PARM1: variants seen among roughly 807,000 people sequenced by gnomAD.
The protein encoded by PARM1 is WSC4, cell wall integrity and stress response component 4 homolog.
In PARM1, 14 loss-of-function variants were observed where a neutral mutation model predicts 24.6. The ratio of observed to expected loss-of-function variants is 0.57; its 90% CI spans 0.38 to 0.89. The LOEUF is 0.89. Among genes scored for constraint, PARM1 ranks in the 40% least tolerant of loss-of-function variants. The probability of loss-of-function intolerance (pLI) is 0.00; values close to 1 mark genes in which losing one functional copy is unlikely to be tolerated. For missense variants in PARM1, 362 were observed against 380.4 expected, an observed-to-expected ratio of 0.95 and a Z score of 0.40; for synonymous variants, 179 against 156.6, an observed-to-expected ratio of 1.14 and a Z score of -1.07.
chr4:75,038,799 T>A (rs576294086), intron 3 of PARM1, among the ~76,000 whole-genome samples: 1 of 152,318 alleles, frequency 6.6e-6, no homozygotes, highest in South Asian at 2.1e-4. Context: ...TTTGATTTGT[T>A]TAAGTTGGCT....
chr4:75,023,041 G>C (rs139962025), intron 2 of PARM1, among the ~76,000 whole-genome samples: 1 of 152,210 alleles, frequency 6.6e-6, no homozygotes, highest in East Asian at 1.9e-4. Flanking sequence ...GCCTTCAAGG[G>C]GTAGACCAGA....
At position 74,959,145 on chromosome 4, in the gene PARM1, T is replaced by C. The variant is rs938069478; in HGVS notation, c.43+25775T>C. Among the ~76,000 whole-genome samples, 6 of 152,346 alleles carry C rather than the reference T, an allele frequency of 3.9e-5. 1 individual carries two copies. The highest frequency in any genetic ancestry group is 9.6e-5 in the African/African-American group (4 of 41,570). On this transcript the variant is annotated intron_variant, in intron 1 of 3. Coordinates refer to ENST00000307428, the MANE Select transcript of PARM1 (RefSeq NM_015393.4). ...AAATTTTCATTTTATTTAATTTAAA[T>C]AGCCATGCATCTTAGTGGCTATCGT...
In PARM1 at chr4:74,944,366, A is replaced by G. The variant is rs576922392; in HGVS notation, c.43+10996A>G. 2.6e-5 allele frequency among the ~76,000 whole-genome samples: 4 copies of G among 152,342 alleles called. No homozygotes were observed. In the East Asian group the frequency reaches 7.7e-4, roughly 29 times the overall value. On this transcript the variant is annotated intron_variant, in intron 1 of 3. Coordinates refer to ENST00000307428, the MANE Select transcript of PARM1 (RefSeq NM_015393.4). ...TTAAAATATTTGCCTTGCTTGTTCC[A>G]TGATGTCCATTTGTCCATTCTTGAG...
chr4:75,032,030 C>T (rs1257921362), intron 2 of PARM1, among the ~76,000 whole-genome samples: 4 of 152,180 alleles, frequency 2.6e-5, no homozygotes, highest in Non-Finnish European at 4.4e-5. Flanking sequence ...CTCGGACTTT[C>T]TCTGCTTGAC....
intron 1 of PARM1, among the ~76,000 whole-genome samples, chr4:74,945,486 G>A (rs1211496873): frequency 6.6e-6 from 1 of 152,170 alleles, no homozygotes; most frequent in African/African-American, 2.4e-5. Flanking sequence ...CCTCAACAAT[G>A]TTTACCGGGC....
intron 1 of PARM1, among the ~76,000 whole-genome samples, chr4:75,007,871 G>A (rs981969183): frequency 1.3e-5 from 2 of 152,200 alleles, no homozygotes; most frequent in African/African-American, 4.8e-5. Flanking sequence ...GGTCACGTGA[G>A]GACACAGATA....
chr4:74,960,960 G>A (rs1446657665), intron 1 of PARM1, among the ~76,000 whole-genome samples: 1 of 150,982 alleles, frequency 6.6e-6, no homozygotes, highest in Non-Finnish European at 1.5e-5. Flanking sequence ...AGCCAAGATT[G>A]CGCCACTGCA....
intron 1 of PARM1, chr4:74,966,888 A>G (rs1721915843): frequency 6.6e-6 from 1 of 152,090 alleles, no homozygotes; most frequent in African/African-American, 2.4e-5. Context: ...TTCCTCCCAA[A>G]TTGATTGGTT....
rs564654573 is a variant in PARM1 at position 74,996,730 on chromosome 4, C to T, written c.44-15695C>T. On this transcript the variant is annotated intron_variant, in intron 1 of 3. Coordinates refer to ENST00000307428, the MANE Select transcript of PARM1 (RefSeq NM_015393.4). ...TTTATGTAGATTGATTGTTTTATTA[C>T]AGTGAAACAGAAATCAAAATTATTA... 2.6e-5 allele frequency among the ~76,000 whole-genome samples: 4 copies of T among 152,262 alleles called. No individual in the cohort carries two copies. In the East Asian group the frequency reaches 5.8e-4, roughly 22 times the overall value.
At chr4:75,020,746 G>A (rs1723074909) in intron 2 of PARM1, among the ~76,000 whole-genome samples, 1 of 152,094 alleles carries the variant, frequency 6.6e-6, no homozygotes, top group South Asian at 2.1e-4. Flanking sequence ...TCAGTTCCAT[G>A]AGCGCCTGTG....
At chr4:74,939,584 G>A (rs983459409) in intron 1 of PARM1, among the ~76,000 whole-genome samples, 2 of 152,004 alleles carry the variant, frequency 1.3e-5, no homozygotes, top group East Asian at 3.9e-4. Flanking sequence ...TTTGTGCCGG[G>A]ATCTTGAGAA....
chr4:74,942,596 T>G (rs1054065925), intron 1 of PARM1, among the ~76,000 whole-genome samples: 2 of 152,252 alleles, frequency 1.3e-5, no homozygotes, highest in Admixed American at 1.3e-4. Context: ...GAGTCCTGTT[T>G]TTCTCTTAAC....
chr4:74,944,979 A>T (rs969090695), intron 1 of PARM1, among the ~76,000 whole-genome samples: 2 of 152,242 alleles, frequency 1.3e-5, no homozygotes, highest in Non-Finnish European at 2.9e-5. Context: ...AGTTAGAAAC[A>T]ATGTAAATGT....
chr4:74,975,086 C>T (rs546343773), intron 1 of PARM1, among the ~76,000 whole-genome samples: 22 of 152,350 alleles, frequency 1.4e-4, no homozygotes, highest in African/African-American at 4.8e-4. Flanking sequence ...GACATTTGCA[C>T]ATTCCCCCTT....
chr4:74,963,034 G>A (rs558376870), intron 1 of PARM1, among the ~76,000 whole-genome samples: 17 of 152,236 alleles, frequency 1.1e-4, no homozygotes, highest in African/African-American at 2.4e-4. Context: ...TTTTATAAGC[G>A]TCTGGCATTT....
intron 1 of PARM1, among the ~76,000 whole-genome samples, chr4:75,004,542 A>G (rs1308331426): frequency 1.3e-5 from 2 of 152,208 alleles, no homozygotes; most frequent in Non-Finnish European, 1.5e-5. Flanking sequence ...AGGGAGGCAG[A>G]TGGCCATGGG....
intron 1 of PARM1, among the ~76,000 whole-genome samples, chr4:74,993,069 T>A (rs1038335682): frequency 6.6e-6 from 1 of 152,214 alleles, no homozygotes; most frequent in African/African-American, 2.4e-5. Context: ...GAGACTTATT[T>A]CTTATGAATA....
chr4:74,934,289 G>A (rs1239831105), intron 1 of PARM1, among the ~76,000 whole-genome samples: 1 of 152,162 alleles, frequency 6.6e-6, no homozygotes, highest in African/African-American at 2.4e-5. Context: ...TGGTGCTGCT[G>A]GGAAAAGTAG....
intron 2 of PARM1, among the ~76,000 whole-genome samples, chr4:75,023,687 G>A (rs1199304053): frequency 6.6e-6 from 1 of 152,180 alleles, no homozygotes; most frequent in East Asian, 1.9e-4. Flanking sequence ...AATAATAACA[G>A]TTTCAGAAAA....
Sources: gnomAD v4.1 joint callset for allele counts (sites outside exome capture counted in the v4.1 genomes callset) on GRCh38, gnomAD v4.1.1 for gene constraint, MANE v1.5 for transcripts, NCBI Gene and HGNC (gene_info 2026-07-23, HGNC 2026-07-21) for gene names.